Variants in C1orf50 observed in about 807,000 individuals in gnomAD.
The protein encoded by C1orf50 is uncharacterized protein C1orf50.
A neutral mutation model predicts 23.3 loss-of-function variants in C1orf50; 22 were observed. The ratio of observed to expected loss-of-function variants is 0.94; its 90% CI spans 0.67 to 1.35. The LOEUF is 1.35. C1orf50 is among the 40% of genes most tolerant of loss of function. C1orf50 has a pLI of 0.00. For synonymous variants in C1orf50, 96 were observed against 102.4 expected (o/e 0.94, Z 0.38); for missense variants, 271 against 249.4 (o/e 1.09, Z -0.58).
chr1:42,769,142 G>A (rs1195516980), intron 2 of C1orf50, among the ~76,000 whole-genome samples: 3 of 152,174 alleles, frequency 2.0e-5, no homozygotes, highest in East Asian at 1.9e-4. Flanking sequence ...CAGCTACTCG[G>A]GAGGCTGAGG....
At chr1:42,775,130 G>C in intron 4 of C1orf50, 79 bp from the exon 5 acceptor site, 1 of 1,353,632 alleles carries the variant, frequency 7.4e-7, no homozygotes, top group Non-Finnish European at 1.0e-6. Context: ...CCAAAAAAGA[G>C]ATTGTGGCAT....
At chr1:42,769,737 T>A (rs1037364682) in intron 2 of C1orf50, 1 of 142,108 alleles carries the variant, frequency 7.0e-6, no homozygotes, top group South Asian at 2.3e-4. Flanking sequence ...CAGCTACTCA[T>A]GAGGCTGAGG....
intron 3 of C1orf50, 33 bp from the exon 4 acceptor site, chr1:42,774,704 A>G (rs371476386): frequency 5.1e-6 from 8 of 1,581,176 alleles, no homozygotes; most frequent in East Asian, 2.3e-5. Flanking sequence ...GTTATCTCCA[A>G]TACCTAATTT....
At position 42,778,374 on chromosome 1, in the gene C1orf50, A is replaced by T. The variant is rs574848502; in HGVS notation, c.*2980A>T. On this transcript the variant is annotated 3_prime_UTR_variant, in exon 5 of 5. Coordinates refer to ENST00000372525, the MANE Select transcript of C1orf50 (RefSeq NM_024097.4). ...GTGATAGAGGTACGCATGGAATACT[A>T]TGGAGCTCCGGGGAGGGGTTCCTTA... 2 of 152,240 alleles carry T rather than the reference A, an allele frequency of 1.3e-5. No homozygotes were observed. The highest frequency in any genetic ancestry group is 4.1e-4 in the South Asian group (2 of 4,836). 9.4% of individuals were successfully genotyped at this position (152,240 alleles called of 1,614,324 possible).
Position 42,767,299 on chromosome 1 carries a change from A to G in C1orf50, c.-13A>G, listed in dbSNP as rs377393320. 1.8e-5 allele frequency: 27 copies of G among 1,497,494 alleles called. No individual in the cohort carries two copies. The highest frequency in any genetic ancestry group is 2.4e-5 in the Non-Finnish European group (27 of 1,129,140). 92.8% of individuals were successfully genotyped at this position (1,497,494 alleles called of 1,614,324 possible). The stretch of plus-strand genomic sequence containing the variant: ...TCGCACAGCCCAGGGAGTGGGGAGG[A>G]TAAGGCGCTGTCATGGAGGACGCCG... On this transcript the variant is annotated 5_prime_UTR_variant, in exon 1 of 5. Transcript: ENST00000372525.
Position 42,775,437 on chromosome 1 carries a change from A to G in C1orf50, c.*43A>G, listed in dbSNP as rs768888249. 5 of 1,510,746 alleles carry G rather than the reference A, an allele frequency of 3.3e-6. No homozygotes were observed. In the African/African-American group the frequency reaches 5.4e-5, roughly 16 times the overall value. The allele number at this position is 1,510,746 out of a possible 1,614,324, so 93.6% of individuals were successfully genotyped here. A position where few individuals can be genotyped will look rare whatever the true frequency, so the allele number is the denominator to read the frequency against. On this transcript the variant is annotated 3_prime_UTR_variant, in exon 5 of 5. Transcript: ENST00000372525. ...CAGCTCTCACAGGACCTGGCTGTCA[A>G]CCTCCTTGTTGCCCCCACTGTTGCC...
In C1orf50 at chr1:42,779,267, C is replaced by CTCGGGAGGCTGAGGCAGGAGAATG. The variant is rs1002777390; in HGVS notation, c.*3877_*3900dup. The CTCGGGAGGCTGAGGCAGGAGAATG allele has an allele frequency of 2.0e-5, 3 of 151,586 alleles. No homozygotes were observed. Among genetic ancestry groups the CTCGGGAGGCTGAGGCAGGAGAATG allele is most frequent in the African/African-American group, 7.3e-5 (3 of 41,194 alleles). 9.4% of individuals were successfully genotyped at this position (151,586 alleles called of 1,614,324 possible). A position where few individuals can be genotyped will look rare whatever the true frequency, so the allele number is the denominator to read the frequency against. On this transcript the variant is annotated 3_prime_UTR_variant, in exon 5 of 5. Coordinates refer to ENST00000372525, the MANE Select transcript of C1orf50 (RefSeq NM_024097.4). ...TGGCGGGCGCCTGTAATCCCAGCTA[C>CTCGGGAGGCTGAGGCAGGAGAATG]TCGGGAGGCTGAGGCAGGAGAATGT...
At chr1:42,774,477 C>G (rs570939322) in intron 3 of C1orf50, among the ~76,000 whole-genome samples, 2 of 152,328 alleles carry the variant, frequency 1.3e-5, no homozygotes, top group Admixed American at 6.5e-5. Context: ...CCTGCCATGG[C>G]CTTCCAAAGT....
rs766806676 is a variant in C1orf50, at chr1:42,773,352, CTG to C, written c.196-208_196-207del. 34 of 434,008 alleles carry C rather than the reference CTG, an allele frequency of 7.8e-5. 1 individual carries two copies. The highest frequency in any genetic ancestry group is 3.2e-4 in the South Asian group (13 of 40,430). The allele number at this position is 434,008 out of a possible 1,614,324, so 26.9% of individuals were successfully genotyped here. ...GGGAAATAGAAGAGAGCACTTAACT[CTG>C]TGGCGTGGAGTCATGTCAGGGTGGC... On this transcript the variant is annotated intron_variant, in intron 2 of 4. Coordinates refer to ENST00000372525, the MANE Select transcript of C1orf50 (RefSeq NM_024097.4).
At position 42,767,565 on chromosome 1, in the gene C1orf50, C is replaced by G; in HGVS notation, c.136C>G (p.His46Asp). Reference protein sequence around the residue: ...PGGLALVSPYHTHRAGDPLDL... With the variant: ...PGGLALVSPYDTHRAGDPLDL... ...CGGCCTGGCCCTGGTGAGCCCCTACCACACCCACCGGGCCGGGGACCCCTT... is the reference window on the plus strand; with the variant it reads ...CGGCCTGGCCCTGGTGAGCCCCTACGACACCCACCGGGCCGGGGACCCCTT... Residue 46 changes from histidine to aspartate, a missense_variant, in exon 2 of 5, where the codon CAC becomes GAC. Transcript: ENST00000372525. The G allele has an allele frequency of 6.2e-7, 1 of 1,610,984 alleles. No individual in the cohort carries two copies. The highest frequency in any genetic ancestry group is 1.7e-5 in the Admixed American group (1 of 59,756).
Position 42,775,589 on chromosome 1 carries a change from C to T in C1orf50, c.*195C>T, listed in dbSNP as rs927261748. The T allele has an allele frequency of 2.9e-5, 14 of 488,890 alleles. No homozygotes were observed. The highest frequency in any genetic ancestry group is 1.5e-4 in the African/African-American group (8 of 52,348). The allele number at this position is 488,890 out of a possible 1,614,324, so 30.3% of individuals were successfully genotyped here. A position where few individuals can be genotyped will look rare whatever the true frequency, so the allele number is the denominator to read the frequency against. On this transcript the variant is annotated 3_prime_UTR_variant, in exon 5 of 5. Transcript: ENST00000372525. ...TCATTGAGACAGAGTCACTGTCTTTCGGGATCCTCTTTGGACCACAGATAC... is the reference window on the plus strand; with the variant it reads ...TCATTGAGACAGAGTCACTGTCTTTTGGGATCCTCTTTGGACCACAGATAC...
In C1orf50 at chr1:42,776,764, T is replaced by G. The variant is rs1653349453; in HGVS notation, c.*1370T>G. On this transcript the variant is annotated 3_prime_UTR_variant, in exon 5 of 5. Transcript: ENST00000372525. ...CTGCAGAGCCGGATGGAAGAGACAT[T>G]AGTGGTAGAGTAGTGGATTCTGACT... The G allele has an allele frequency of 6.6e-6, 1 of 152,220 alleles. No homozygotes were observed. The highest frequency in any genetic ancestry group is 2.4e-5 in the African/African-American group (1 of 41,438). The allele number at this position is 152,220 out of a possible 1,614,324, so 9.4% of individuals were successfully genotyped here. A position where few individuals can be genotyped will look rare whatever the true frequency, so the allele number is the denominator to read the frequency against.
chr1:42,774,735 A>G lies in C1orf50; in HGVS notation c.283-2A>G. 1 of 1,603,928 alleles carries G rather than the reference A, an allele frequency of 6.2e-7. No individual in the cohort carries two copies. Among genetic ancestry groups the G allele is most frequent in the Admixed American group, 1.7e-5 (1 of 59,440 alleles). On this transcript the variant is annotated splice_acceptor_variant, in intron 3 of 4. Transcript: ENST00000372525. LOFTEE classifies it high-confidence loss of function. Reference sequence around the variant, plus strand: ...AATTTGTTACATATCTGTGATTCATAGGTACTGGAAGATGCTCACAGAGAT... The same window carrying G: ...AATTTGTTACATATCTGTGATTCATGGGTACTGGAAGATGCTCACAGAGAT...
intron 3 of C1orf50, among the ~76,000 whole-genome samples, chr1:42,774,218 C>G (rs1360162615): frequency 1.3e-5 from 2 of 152,044 alleles, no homozygotes; most frequent in East Asian, 3.9e-4. Flanking sequence ...GTCATTAATG[C>G]TCAACATTTT....
intron 2 of C1orf50, among the ~76,000 whole-genome samples, chr1:42,772,497 C>G (rs1043337171): frequency 1.3e-5 from 2 of 152,092 alleles, no homozygotes; most frequent in Non-Finnish European, 2.9e-5. Flanking sequence ...AAGAAATGTC[C>G]TGGCTGGGCT....
chr1:42,767,755 A>C lies in C1orf50; in HGVS notation c.195+131A>C, dbSNP rs375029848. ...TCTTGTCTCCATTTTACAGACGAGT[A>C]AAGCCGACTGTCATTGTGAGTCGGT... On this transcript the variant is annotated intron_variant, in intron 2 of 4. Coordinates refer to ENST00000372525, the MANE Select transcript of C1orf50 (RefSeq NM_024097.4). The C allele has an allele frequency of 3.8e-6, 3 of 795,132 alleles. No homozygotes were observed. In the African/African-American group the frequency reaches 5.2e-5, roughly 14 times the overall value. The allele number at this position is 795,132 out of a possible 1,614,324, so 49.3% of individuals were successfully genotyped here.
Position 42,767,300 on chromosome 1 carries a change from T to A in C1orf50, c.-12T>A. 1 of 1,498,064 alleles carries A rather than the reference T, an allele frequency of 6.7e-7. No individual in the cohort carries two copies. Among genetic ancestry groups the A allele is most frequent in the Non-Finnish European group, 8.9e-7 (1 of 1,129,344 alleles). The allele number at this position is 1,498,064 out of a possible 1,614,324, so 92.8% of individuals were successfully genotyped here. A position where few individuals can be genotyped will look rare whatever the true frequency, so the allele number is the denominator to read the frequency against. On this transcript the variant is annotated 5_prime_UTR_variant, in exon 1 of 5. The change abolishes the stop of an existing upstream ORF in the 5' untranslated region. Coordinates refer to ENST00000372525, the MANE Select transcript of C1orf50 (RefSeq NM_024097.4). ...CGCACAGCCCAGGGAGTGGGGAGGA[T>A]AAGGCGCTGTCATGGAGGACGCCGC...
intron 2 of C1orf50, among the ~76,000 whole-genome samples, chr1:42,773,019 A>G (rs1653256927): frequency 6.6e-6 from 1 of 152,234 alleles, no homozygotes; most frequent in Non-Finnish European, 1.5e-5. Flanking sequence ...GGGGTCACAC[A>G]GAAAAACCCG....
Position 42,767,554 on chromosome 1 carries a change from T to G in C1orf50, c.125T>G (p.Val42Gly), listed in dbSNP as rs749621498. ...LTPTPGGLAL[V>G]SPYHTHRAGD... The stretch of plus-strand genomic sequence containing the variant: ...CCGACCCCCGGCGGCCTGGCCCTGG[T>G]GAGCCCCTACCACACCCACCGGGCC... Residue 42 changes from valine to glycine, a missense_variant, in exon 2 of 5, where the codon GTG (valine) becomes GGG (glycine). Val to Gly is a moderately radical substitution (Grantham distance 109, BLOSUM62 -3). Transcript: ENST00000372525. 14 of 1,608,178 alleles carry G rather than the reference T, an allele frequency of 8.7e-6. No individual in the cohort carries two copies. The South Asian group carries it at 1.6e-4, about 18-fold the overall frequency.
Sources: allele counts gnomAD v4.1 joint callset (sites outside exome capture counted in the v4.1 genomes callset), GRCh38; gene constraint gnomAD v4.1.1; transcripts MANE v1.5; gene names NCBI Gene and HGNC (gene_info 2026-07-23, HGNC 2026-07-21).